Variants in TIAM1 observed in about 807,000 individuals in gnomAD.
The protein encoded by TIAM1 is rho guanine nucleotide exchange factor TIAM1.
A neutral mutation model predicts 163.5 loss-of-function variants in TIAM1; 65 were observed. That is an observed-to-expected ratio of 0.40 (90% confidence interval 0.33 to 0.49). TIAM1 has a LOEUF of 0.49. Among genes scored for constraint, TIAM1 ranks in the 20% least tolerant of loss-of-function variants. TIAM1 has a pLI of 0.77. For synonymous variants in TIAM1, 833 were observed against 810.1 expected, an observed-to-expected ratio of 1.03 and a Z score of -0.48; for missense variants, 1,789 against 2,044.7, an observed-to-expected ratio of 0.87 and a Z score of 2.41.
intron 3 of TIAM1, among the ~76,000 whole-genome samples, chr21:31,274,120 C>T (rs2073185304): frequency 6.6e-6 from 1 of 152,000 alleles, no homozygotes; most frequent in Non-Finnish European, 1.5e-5. Context: ...GAGGCTGGGG[C>T]AGGAGAATCA....
At chr21:31,546,386 C>T (rs1355233999) in intron 1 of TIAM1, among the ~76,000 whole-genome samples, 1 of 151,892 alleles carries the variant, frequency 6.6e-6, no homozygotes, top group Non-Finnish European at 1.5e-5. Context: ...CCCATGTCTA[C>T]TAAAAATACA....
At chr21:31,240,297 A>C (rs1186473827) in intron 6 of TIAM1, among the ~76,000 whole-genome samples, 1 of 152,226 alleles carries the variant, frequency 6.6e-6, no homozygotes, top group African/African-American at 2.4e-5. Context: ...AAAATGGTCA[A>C]AATCAACTTT....
chr21:31,258,074 C>T (rs1036631965), intron 4 of TIAM1, among the ~76,000 whole-genome samples: 2 of 151,886 alleles, frequency 1.3e-5, no homozygotes, highest in Non-Finnish European at 2.9e-5. Flanking sequence ...ACATCCCCCA[C>T]ACCCCATCTT....
At position 31,252,052 on chromosome 21, in the gene TIAM1, G is replaced by C; in HGVS notation, c.1101C>G (p.Gly367=). ...CGGTGGAGCTGCTGCCGCTGTCGCT[G>C]CCCACAAAGGCCCGGCCTGTGGTGG... ...YSPTTGRAFV[G]SDSGSSSTGD... is the part of the protein sequence containing the mutation. The change falls in exon 5 of 28, where the codon GGC becomes GGG. Residue 367 remains glycine (G), a synonymous_variant. Coordinates refer to ENST00000541036, the MANE Select transcript of TIAM1 (RefSeq NM_001353694.2). 6.2e-7 allele frequency: 1 copy of C among 1,614,032 alleles called. No individual in the cohort carries two copies.
rs554101440 is a variant in TIAM1, at chr21:31,216,869, A to T, written c.2142+684T>A. ...AAGTCAAGGGCAGAGAATAATCAGA[A>T]TTCCCTGGAGGCTGCCTTTCATCCA... On this transcript the variant is annotated intron_variant, in intron 9 of 27. Coordinates refer to ENST00000541036, the MANE Select transcript of TIAM1 (RefSeq NM_001353694.2). 8.7e-4 allele frequency among the ~76,000 whole-genome samples: 133 copies of T among 152,312 alleles called. 6 individuals are homozygous for T. The South Asian group carries it at 0.027, about 31-fold the overall frequency.
intron 6 of TIAM1, among the ~76,000 whole-genome samples, chr21:31,242,873 A>AAAAAAG: frequency 6.8e-6 from 1 of 148,052 alleles, no homozygotes; most frequent in Non-Finnish European, 1.5e-5. Context: ...AAAAAAAAAA[A>AAAAAAG]AAAAAAGAAA....
chr21:31,274,792 A>G (rs534288764), intron 3 of TIAM1, among the ~76,000 whole-genome samples: 2 of 152,310 alleles, frequency 1.3e-5, no homozygotes, highest in South Asian at 4.1e-4. Flanking sequence ...AGACCTTGAG[A>G]CAGCTAAAAA....
At chr21:31,215,568 G>GAAAAAAAAAAAAAAAAA (rs398040071) in intron 9 of TIAM1, among the ~76,000 whole-genome samples, 1 of 75,546 alleles carries the variant, frequency 1.3e-5, no homozygotes, top group Non-Finnish European at 2.9e-5. Context: ...TCTCAAAAAA[G>GAAAAAAAAAAAAAAAAA]AAAAAAAAAA....
At chr21:31,275,216 T>C (rs2146852402) in intron 3 of TIAM1, among the ~76,000 whole-genome samples, 1 of 152,314 alleles carries the variant, frequency 6.6e-6, no homozygotes, top group East Asian at 1.9e-4. Context: ...AAGCAATTAT[T>C]CCGGATGGAT....
In TIAM1 at chr21:31,447,606, A is replaced by G. The variant is rs568997282; in HGVS notation, c.-369+16377T>C. 1.4e-4 allele frequency among the ~76,000 whole-genome samples: 21 copies of G among 152,320 alleles called. No individual in the cohort carries two copies. The South Asian group carries it at 4.1e-3, about 30-fold the overall frequency. ...AAAACTGAACTGTGAGTTCGGAGAT[A>G]AGAGGAGCAAAAGCAAATGGAAGTG... On this transcript the variant is annotated intron_variant, in intron 2 of 28. Transcript: ENST00000286827.
At chr21:31,299,452 G>A (rs1601876695) in intron 2 of TIAM1, among the ~76,000 whole-genome samples, 1 of 152,152 alleles carries the variant, frequency 6.6e-6, no homozygotes, top group Admixed American at 6.5e-5. Context: ...TGTTTGTTAC[G>A]TATGTTCAAT....
intron 1 of TIAM1, among the ~76,000 whole-genome samples, chr21:31,554,491 G>GC (rs1394674240): frequency 1.3e-5 from 2 of 152,086 alleles, no homozygotes; most frequent in African/African-American, 2.4e-5. Flanking sequence ...AGGCTAGGAT[G>GC]CCCCCACTCC....
intron 2 of TIAM1, among the ~76,000 whole-genome samples, chr21:31,332,986 C>T (rs1005444392): frequency 1.3e-5 from 2 of 151,044 alleles, no homozygotes; most frequent in East Asian, 3.9e-4. Context: ...GCAGTCCCAG[C>T]CACTCAGGAG....
intron 1 of TIAM1, among the ~76,000 whole-genome samples, chr21:31,551,556 T>C (rs1156406210): frequency 6.6e-6 from 1 of 151,434 alleles, no homozygotes; most frequent in South Asian, 2.1e-4. Flanking sequence ...CTGAGCACTA[T>C]AGTAGAACCC....
chr21:31,230,717 A>G (rs1310024969), intron 6 of TIAM1, among the ~76,000 whole-genome samples: 1 of 152,122 alleles, frequency 6.6e-6, no homozygotes. Context: ...TATTTTTAGT[A>G]GAGACAGGGT....
At chr21:31,449,974 G>C (rs982393396) in intron 2 of TIAM1, among the ~76,000 whole-genome samples, 1 of 152,062 alleles carries the variant, frequency 6.6e-6, no homozygotes, top group Admixed American at 6.6e-5. Flanking sequence ...CTTCCTTTGG[G>C]CAGCCAGGCC....
intron 2 of TIAM1, among the ~76,000 whole-genome samples, chr21:31,423,863 CGGGG>C (rs762725565): frequency 3.9e-5 from 1 of 25,574 alleles, no homozygotes; most frequent in Non-Finnish European, 9.5e-5. Flanking sequence ...TCGGGGGGGG[CGGGG>C]GGGGGGTCAA....
At chr21:31,295,139 A>G (rs2074184483) in intron 2 of TIAM1, among the ~76,000 whole-genome samples, 1 of 152,126 alleles carries the variant, frequency 6.6e-6, no homozygotes, top group Non-Finnish European at 1.5e-5. Context: ...AAGATTCCAC[A>G]CAGCATGGTA....
chr21:31,264,071 G>C (rs2257122), intron 4 of TIAM1, among the ~76,000 whole-genome samples: 34,843 of 152,044 alleles, frequency 0.23, 5,081 homozygotes, highest in East Asian at 0.42. Flanking sequence ...TCAGGCTTAC[G>C]TTCTCAGACC....
Sources: allele counts gnomAD v4.1 joint callset (sites outside exome capture counted in the v4.1 genomes callset), GRCh38; gene constraint gnomAD v4.1.1; transcripts MANE v1.5; gene names NCBI Gene and HGNC (gene_info 2026-07-23, HGNC 2026-07-21).